Variants in ACACB observed in about 807,000 individuals in gnomAD.
ACACB encodes acetyl-CoA carboxylase beta, also known as acetyl-CoA carboxylase 2.
ACACB carries 209 observed loss-of-function variants against 278.8 expected under a neutral mutation model. The observed-to-expected ratio is 0.75, with a 90% CI of 0.67 to 0.84. The LOEUF is 0.84. ACACB is among the 40% of genes least tolerant of loss of function. The probability of loss-of-function intolerance (pLI) is 0.00; values close to 1 mark genes in which losing one functional copy is unlikely to be tolerated. For missense variants in ACACB, 2,850 were observed against 3,269.0 expected, an observed-to-expected ratio of 0.87 and a Z score of 3.13; for synonymous variants, 1,174 against 1,285.6, an observed-to-expected ratio of 0.91 and a Z score of 1.86.
intron 29 of ACACB, among the ~76,000 whole-genome samples, chr12:109,233,420 A>C (rs1340281967): frequency 2.0e-5 from 3 of 152,064 alleles, no homozygotes; most frequent in African/African-American, 7.2e-5. Context: ...GGGTGAGGTG[A>C]GGTTTCTAGG....
intron 50 of ACACB, 82 bp downstream of exon 50, chr12:109,264,468 G>A: frequency 1.3e-6 from 2 of 1,549,886 alleles, no homozygotes; most frequent in Non-Finnish European, 1.8e-6. Flanking sequence ...CTCGGGGGCG[G>A]GGAGGGCGGT....
chr12:109,210,862 C>T (rs759163138), intron 21 of ACACB, among the ~76,000 whole-genome samples: 7 of 147,560 alleles, frequency 4.7e-5, no homozygotes, highest in Non-Finnish European at 8.9e-5. Context: ...TGCAGTGAGC[C>T]GAGATCGCAC....
chr12:109,144,564 A>C (rs564288701), intron 2 of ACACB, among the ~76,000 whole-genome samples: 20 of 152,152 alleles, frequency 1.3e-4, no homozygotes, highest in African/African-American at 4.8e-4. Flanking sequence ...TTTGATTTAA[A>C]ACTCGAATTG....
chr12:109,120,313 G>T (rs753267231), intron 1 of ACACB, among the ~76,000 whole-genome samples: 4 of 152,192 alleles, frequency 2.6e-5, no homozygotes, highest in Non-Finnish European at 5.9e-5. Context: ...TAAATGCAGT[G>T]GGACTCTCCA....
chr12:109,191,199 C>A (rs2044863899), intron 13 of ACACB, among the ~76,000 whole-genome samples: 1 of 147,260 alleles, frequency 6.8e-6, no homozygotes, highest in Non-Finnish European at 1.5e-5. Flanking sequence ...TCAGTCAGAG[C>A]CCTCTCTTAA....
chr12:109,140,858 C>A (rs889672156), intron 2 of ACACB, among the ~76,000 whole-genome samples: 1 of 147,934 alleles, frequency 6.8e-6, no homozygotes, highest in African/African-American at 2.5e-5. Context: ...GCAGTTCTCT[C>A]TGCCTCCTGA....
At chr12:109,171,945 C>A in intron 5 of ACACB, 31 bp downstream of exon 5, 1 of 1,568,396 alleles carries the variant, frequency 6.4e-7, no homozygotes, top group Non-Finnish European at 8.8e-7. Flanking sequence ...AAGTGTGGCC[C>A]CTGAGTGTGG....
At chr12:109,224,380 G>A (rs984799053) in intron 27 of ACACB, among the ~76,000 whole-genome samples, 1 of 151,724 alleles carries the variant, frequency 6.6e-6, no homozygotes, top group Non-Finnish European at 1.5e-5. Context: ...CGAGTGATGA[G>A]GTAGAAGGGC....
intron 2 of ACACB, among the ~76,000 whole-genome samples, chr12:109,141,412 C>T (rs1345170861): frequency 6.6e-6 from 1 of 152,222 alleles, no homozygotes; most frequent in Non-Finnish European, 1.5e-5. Flanking sequence ...TTCTCCTCTG[C>T]CATCCCCAAA....
intron 2 of ACACB, among the ~76,000 whole-genome samples, chr12:109,147,576 A>T (rs2043274379): frequency 6.6e-6 from 1 of 151,100 alleles, no homozygotes; most frequent in African/African-American, 2.4e-5. Flanking sequence ...TTTTTTTATG[A>T]TCTACTTGGT....
chr12:109,210,630 T>C (rs1425334666), intron 21 of ACACB, among the ~76,000 whole-genome samples: 1 of 150,722 alleles, frequency 6.6e-6, no homozygotes, highest in Non-Finnish European at 1.5e-5. Flanking sequence ...AGAATTATAC[T>C]GAGGTCGGGT....
chr12:109,256,358 A>G, intron 45 of ACACB, 122 bp downstream of exon 45: 2 of 714,538 alleles, frequency 2.8e-6, no homozygotes, highest in Non-Finnish European at 4.8e-6. Flanking sequence ...TTCTAAAAGA[A>G]AAAACCAATT....
rs1317526728 is a variant in ACACB, at chr12:109,267,732, G to C, written c.*1370G>C. The C allele has an allele frequency of 6.6e-6, 1 of 152,578 alleles. No individual in the cohort carries two copies. Among genetic ancestry groups the C allele is most frequent in the Non-Finnish European group, 1.5e-5 (1 of 68,328 alleles). The allele number at this position is 152,578 out of a possible 1,614,324, so 9.5% of individuals were successfully genotyped here. On this transcript the variant is annotated 3_prime_UTR_variant, in exon 53 of 53. Transcript: ENST00000338432. Reference sequence around the variant, plus strand: ...GGAGAACGTTGCAATGCACCCAGCAGCTCCTGGCTCTGCAGGCGGCACAGC... The same window carrying C: ...GGAGAACGTTGCAATGCACCCAGCACCTCCTGGCTCTGCAGGCGGCACAGC...
At chr12:109,199,580 C>T in intron 18 of ACACB, 28 bp downstream of exon 18, 1 of 1,400,818 alleles carries the variant, frequency 7.1e-7, no homozygotes. Flanking sequence ...CGTGGGGAAT[C>T]CTGAACCCTC....
intron 21 of ACACB, among the ~76,000 whole-genome samples, 167 bp downstream of exon 21, chr12:109,209,520 C>G (rs1405694665): frequency 1.3e-5 from 2 of 152,072 alleles, no homozygotes; most frequent in Non-Finnish European, 2.9e-5. Flanking sequence ...CTGCAGAATC[C>G]TATCATTTAC....
Position 109,212,829 on chromosome 12 carries a change from C to T in ACACB, c.3250-7C>T. 6.2e-7 allele frequency: 1 copy of T among 1,613,246 alleles called. No homozygotes were observed. Among genetic ancestry groups the T allele is most frequent in the South Asian group, 1.1e-5 (1 of 91,036 alleles). ...AGCAGTCAGACCTGTCTTGTTTTCC[C>T]ATCCAGATAGCCACCATCCTGGACT... On this transcript the variant is annotated splice_polypyrimidine_tract_variant and splice_region_variant and intron_variant, in intron 21 of 52. Coordinates refer to ENST00000338432, the MANE Select transcript of ACACB (RefSeq NM_001093.4).
chr12:109,161,751 G>GT (rs1555208802), intron 2 of ACACB, among the ~76,000 whole-genome samples: 2 of 146,350 alleles, frequency 1.4e-5, no homozygotes, highest in Non-Finnish European at 3.0e-5. Flanking sequence ...GTGTGTGTGT[G>GT]GTGTGTGTGT....
Position 109,247,596 on chromosome 12 carries a change from A to AT in ACACB, c.5572-4dup. 1 of 1,608,656 alleles carries AT rather than the reference A, an allele frequency of 6.2e-7. No individual in the cohort carries two copies. Among genetic ancestry groups the AT allele is most frequent in the Non-Finnish European group, 8.5e-7 (1 of 1,175,468 alleles). On this transcript the variant is annotated splice_polypyrimidine_tract_variant and intron_variant, in intron 39 of 52. Coordinates refer to ENST00000338432, the MANE Select transcript of ACACB (RefSeq NM_001093.4). Reference sequence around the variant, plus strand: ...ACTGGATTCGTAGCCTCACTAAAGTATTTTTTAAGGGATTTAAATACCTGT... The same window carrying AT: ...ACTGGATTCGTAGCCTCACTAAAGTATTTTTTTAAGGGATTTAAATACCTGT...
intron 2 of ACACB, among the ~76,000 whole-genome samples, chr12:109,158,187 T>A (rs1278055677): frequency 1.3e-5 from 2 of 152,104 alleles, no homozygotes; most frequent in African/African-American, 4.8e-5. Flanking sequence ...ACAGTAAATA[T>A]TTTTGGCTTT....
Sources: allele counts gnomAD v4.1 joint callset (sites outside exome capture counted in the v4.1 genomes callset), GRCh38; gene constraint gnomAD v4.1.1; transcripts MANE v1.5; gene names NCBI Gene and HGNC (gene_info 2026-07-23, HGNC 2026-07-21).